Variants in DLGAP2 observed in about 807,000 individuals in gnomAD.
DLGAP2 encodes the protein DLG associated protein 2.
In DLGAP2, 26 loss-of-function variants were observed where a neutral mutation model predicts 100.3. The ratio of observed to expected loss-of-function variants is 0.26; its 90% confidence interval spans 0.19 to 0.36. The LOEUF (loss-of-function observed/expected upper bound fraction) is 0.36, where lower values mean the gene tolerates loss of function less well. Ranked by LOEUF, DLGAP2 falls within the 10% of genes least tolerant of loss-of-function variation. The probability of loss-of-function intolerance (pLI) is 1.00; values close to 1 mark genes in which losing one functional copy is unlikely to be tolerated. For missense variants in DLGAP2, 1,858 were observed against 1,453.2 expected, an observed-to-expected ratio of 1.28 and a Z score of -4.53; for synonymous variants, 886 against 630.1, an observed-to-expected ratio of 1.41 and a Z score of -6.08.
At chr8:1,209,972 C>G (rs552821849) in intron 2 of DLGAP2, among the ~76,000 whole-genome samples, 7 of 152,306 alleles carry the variant, frequency 4.6e-5, no homozygotes, top group Admixed American at 1.3e-4. Flanking sequence ...TTTAGCAACT[C>G]AAATAATTTG....
chr8:1,184,699 C>T (rs1226164536), intron 2 of DLGAP2, among the ~76,000 whole-genome samples: 5 of 152,116 alleles, frequency 3.3e-5, no homozygotes, highest in African/African-American at 7.2e-5. Flanking sequence ...GGTTAGGGAG[C>T]AGGAGGAGGC....
At chr8:1,221,781 G>A (rs1798319531) in intron 2 of DLGAP2, among the ~76,000 whole-genome samples, 1 of 152,088 alleles carries the variant, frequency 6.6e-6, no homozygotes, top group Admixed American at 6.6e-5. Flanking sequence ...TTTCTCAGAG[G>A]TTTTCTTCAT....
chr8:1,227,156 A>ATATATATATATATATATATATAC (rs1798436407), intron 2 of DLGAP2, among the ~76,000 whole-genome samples: 1 of 130,696 alleles, frequency 7.7e-6, no homozygotes, highest in East Asian at 2.2e-4. Context: ...ACTGTGAGAT[A>ATATATATATATATATATATATAC]TATATATATA....
chr8:1,512,057 C>T (rs1461825253), intron 4 of DLGAP2, among the ~76,000 whole-genome samples: 1 of 152,202 alleles, frequency 6.6e-6, no homozygotes, highest in Non-Finnish European at 1.5e-5. Context: ...GAACGGTGTT[C>T]CTCAGCCCTG....
At chr8:1,060,068 C>A (rs1803029824) in intron 2 of DLGAP2, among the ~76,000 whole-genome samples, 1 of 152,158 alleles carries the variant, frequency 6.6e-6, no homozygotes, top group South Asian at 2.1e-4. Flanking sequence ...TCTGGGGCTT[C>A]AAGTTCCTCC....
intron 6 of DLGAP2, among the ~76,000 whole-genome samples, chr8:1,581,296 A>T (rs12547602): frequency 0.48 from 70,335 of 147,670 alleles, 16,676 homozygotes; most frequent in East Asian, 0.51. Context: ...ACAAAACCCC[A>T]CACACATCGA....
intron 4 of DLGAP2, among the ~76,000 whole-genome samples, chr8:1,514,627 C>G (rs867423037): frequency 7.9e-5 from 12 of 152,220 alleles, no homozygotes; most frequent in African/African-American, 2.4e-5. Context: ...TTATACTCAC[C>G]TATGTCACTC....
At chr8:879,847 C>G (rs1048447013) in intron 1 of DLGAP2, among the ~76,000 whole-genome samples, 3 of 152,194 alleles carry the variant, frequency 2.0e-5, no homozygotes, top group African/African-American at 7.2e-5. Flanking sequence ...TATGTGAGCT[C>G]TCATTGTTAC....
chr8:984,314 C>T (rs1023273031), intron 2 of DLGAP2, among the ~76,000 whole-genome samples: 3 of 152,162 alleles, frequency 2.0e-5, no homozygotes, highest in African/African-American at 7.2e-5. Flanking sequence ...ATATTCTCTG[C>T]CTCTGTGAAA....
rs747926540 is a variant in DLGAP2 at position 1,668,374 on chromosome 8, C to T, written c.1856C>T (p.Pro619Leu). 1.9e-6 allele frequency: 3 copies of T among 1,583,752 alleles called. No individual in the cohort carries two copies. Among genetic ancestry groups the T allele is most frequent in the South Asian group, 1.2e-5 (1 of 86,532 alleles). The change falls in exon 9 of 15, where the codon CCT (proline) becomes CTT (leucine). Residue 619 changes from proline (P) to leucine (L), a missense_variant. Coordinates refer to ENST00000637795, the MANE Select transcript of DLGAP2 (RefSeq NM_001346810.2). ...NYKKTPPPVP[P>L]RTTSKPLISV... is the part of the protein sequence containing the mutation. ...AAGAAAACGCCCCCACCGGTGCCCC[C>T]TCGGACCACCTCCAAGCCTCTGATC...
chr8:1,654,296 C>A (rs968797328), intron 8 of DLGAP2, among the ~76,000 whole-genome samples: 1 of 152,208 alleles, frequency 6.6e-6, no homozygotes, highest in Non-Finnish European at 1.5e-5. Context: ...AGTTCTTGGT[C>A]TCTTCATTTT....
At chr8:1,074,337 A>G (rs1399218756) in intron 2 of DLGAP2, among the ~76,000 whole-genome samples, 1 of 151,908 alleles carries the variant, frequency 6.6e-6, no homozygotes, top group Non-Finnish European at 1.5e-5. Context: ...CTGAGGCTGA[A>G]CTCACCCAGG....
At chr8:1,466,960 T>G (rs1395204088) in intron 3 of DLGAP2, among the ~76,000 whole-genome samples, 3 of 152,212 alleles carry the variant, frequency 2.0e-5, no homozygotes, top group African/African-American at 7.2e-5. Flanking sequence ...GAAGTGATTT[T>G]AAATTTTTGT....
At chr8:1,442,809 G>C (rs1324320299) in intron 3 of DLGAP2, among the ~76,000 whole-genome samples, 2 of 147,274 alleles carry the variant, frequency 1.4e-5, no homozygotes, top group African/African-American at 2.6e-5. Context: ...CAGCCACTGG[G>C]GGAGACGGAT....
intron 2 of DLGAP2, among the ~76,000 whole-genome samples, chr8:1,063,176 C>T (rs1275097815): frequency 2.6e-5 from 4 of 152,154 alleles, no homozygotes; most frequent in East Asian, 1.9e-4. Flanking sequence ...ACTGATACGC[C>T]GCAAAGTGCT....
intron 1 of DLGAP2, among the ~76,000 whole-genome samples, chr8:894,063 C>G (rs577295605): frequency 6.6e-6 from 1 of 152,202 alleles, no homozygotes; most frequent in Admixed American, 6.5e-5. Context: ...GCTTCTTCCC[C>G]TCGTGCGTGA....
intron 7 of DLGAP2, among the ~76,000 whole-genome samples, 184 bp downstream of exon 7, chr8:1,627,071 T>C (rs1057301466): frequency 3.9e-5 from 6 of 152,256 alleles, no homozygotes; most frequent in Non-Finnish European, 8.8e-5. Context: ...CTTACTGTTA[T>C]ATTTTTGACG....
intron 2 of DLGAP2, among the ~76,000 whole-genome samples, chr8:957,440 G>A (rs997658376): frequency 1.3e-5 from 2 of 152,190 alleles, no homozygotes; most frequent in Admixed American, 6.5e-5. Context: ...TTTTTCACCC[G>A]TGACTCCATT....
At chr8:925,960 C>T (rs1194158767) in intron 2 of DLGAP2, among the ~76,000 whole-genome samples, 5 of 152,170 alleles carry the variant, frequency 3.3e-5, no homozygotes, top group South Asian at 4.1e-4. Flanking sequence ...GCGGATATGT[C>T]ATGGAGAATG....
Sources: gnomAD v4.1 joint callset for allele counts (sites outside exome capture counted in the v4.1 genomes callset) on GRCh38, gnomAD v4.1.1 for gene constraint, MANE v1.5 for transcripts, NCBI Gene and HGNC (gene_info 2026-07-23, HGNC 2026-07-21) for gene names.